Variants in G6PC1 observed in about 807,000 individuals in gnomAD.
G6PC1 encodes G-6-Pase.
Under a neutral mutation model 30.4 loss-of-function variants are expected in G6PC1, and 23 were observed. That is an observed-to-expected ratio of 0.76 (90% CI 0.55 to 1.07). G6PC1 has a LOEUF of 1.07. G6PC1 is among the 50% of genes least tolerant of loss of function. The pLI, the probability that G6PC1 is intolerant of heterozygous loss-of-function variation, is 0.00. For missense variants in G6PC1, 391 were observed against 433.9 expected, an observed-to-expected ratio of 0.90 and a Z score of 0.88; for synonymous variants, 163 against 175.6, an observed-to-expected ratio of 0.93 and a Z score of 0.57.
Position 42,913,100 on chromosome 17 carries a change from G to T in G6PC1, c.*1674G>T, listed in dbSNP as rs944611985. 2 of 151,862 alleles carry T rather than the reference G, an allele frequency of 1.3e-5. No individual in the cohort carries two copies. Among genetic ancestry groups the T allele is most frequent in the Admixed American group, 1.3e-4 (2 of 15,228 alleles). 9.4% of individuals were successfully genotyped at this position (151,862 alleles called of 1,614,324 possible). A position where few individuals can be genotyped will look rare whatever the true frequency, so the allele number is the denominator to read the frequency against. ...TTACAGGCATGAGCCACCGCACCGG[G>T]CCCTCCTTGCCTGTTTTTCAATCTC... On this transcript the variant is annotated 3_prime_UTR_variant, in exon 5 of 5. Transcript: ENST00000253801.
In G6PC1 at chr17:42,912,940, G is replaced by A. The variant is rs111309126; in HGVS notation, c.*1514G>A. 1.0e-3 allele frequency: 155 copies of A among 148,718 alleles called. 1 individual carries two copies. Among genetic ancestry groups the A allele is most frequent in the African/African-American group, 3.5e-3 (140 of 40,282 alleles). 9.2% of individuals were successfully genotyped at this position (148,718 alleles called of 1,614,324 possible). A position where few individuals can be genotyped will look rare whatever the true frequency, so the allele number is the denominator to read the frequency against. ...CTCCTCAGTAGCTAGGACTACCGGC[G>A]TGCACCACCATGCCAGGCTAATTTT... On this transcript the variant is annotated 3_prime_UTR_variant, in exon 5 of 5. Transcript: ENST00000253801.
intron 2 of G6PC1, among the ~76,000 whole-genome samples, chr17:42,905,316 T>C (rs1316577018): frequency 4.8e-5 from 7 of 144,590 alleles, no homozygotes; most frequent in African/African-American, 1.3e-4. Context: ...TCTGAGCTAC[T>C]CAGGAGGCTA....
At chr17:42,903,600 G>A (rs772193960) in intron 1 of G6PC1, among the ~76,000 whole-genome samples, 1 of 151,940 alleles carries the variant, frequency 6.6e-6, no homozygotes, top group Non-Finnish European at 1.5e-5. Flanking sequence ...TGTAGTCCCA[G>A]CTATTCAGGA....
intron 2 of G6PC1, among the ~76,000 whole-genome samples, chr17:42,906,307 A>T (rs1197754255): frequency 6.6e-6 from 1 of 152,114 alleles, no homozygotes; most frequent in African/African-American, 2.4e-5. Context: ...TCCGGTTGTG[A>T]TTCTGCCTCA....
At position 42,913,685 on chromosome 17, in the gene G6PC1, C is replaced by A. The variant is rs901686213; in HGVS notation, c.*2259C>A. On this transcript the variant is annotated 3_prime_UTR_variant, in exon 5 of 5. Coordinates refer to ENST00000253801, the MANE Select transcript of G6PC1 (RefSeq NM_000151.4). ...AAATTGCAACTTGAGAGTAGATGGG[C>A]AGGGTCACTATCAAATTAAGCAATC... 1.3e-5 allele frequency among the ~76,000 whole-genome samples: 2 copies of A among 152,138 alleles called. No homozygotes were observed. Among genetic ancestry groups the A allele is most frequent in the Non-Finnish European group, 2.9e-5 (2 of 68,018 alleles).
Position 42,911,168 on chromosome 17 carries a change from G to T in G6PC1, c.816G>T (p.Gly272=), listed in dbSNP as rs762728678. The T allele has an allele frequency of 1.2e-6, 2 of 1,614,160 alleles. No homozygotes were observed. The highest frequency in any genetic ancestry group is 1.7e-6 in the Non-Finnish European group (2 of 1,180,040). The change falls in exon 5 of 5, where the codon GGG becomes GGT. Residue 272 remains glycine (G), a synonymous_variant. Coordinates refer to ENST00000253801, the MANE Select transcript of G6PC1 (RefSeq NM_000151.4). ...ACCTGGGCACGCTCTTTGGCCTGGG[G>T]CTGGCTCTCAACTCCAGCATGTACA... ...LKNLGTLFGL[G]LALNSSMYRE...
intron 2 of G6PC1, among the ~76,000 whole-genome samples, chr17:42,904,543 T>C (rs1002572357): frequency 6.6e-6 from 1 of 152,212 alleles, no homozygotes; most frequent in Non-Finnish European, 1.5e-5. Flanking sequence ...CTAAGACTAG[T>C]ACTCTCTAAG....
Position 42,911,336 on chromosome 17 carries a change from C to G in G6PC1, c.984C>G (p.Cys328Trp). Residue 328 changes from cysteine (C) to tryptophan (W), a missense_variant, in exon 5 of 5, where the codon TGC (cysteine) becomes TGG (tryptophan). Coordinates refer to ENST00000253801, the MANE Select transcript of G6PC1 (RefSeq NM_000151.4). Reference sequence around the variant, plus strand: ...TGGTCTTCTACGTCTTGTCCTTCTGCAAGAGTGCGGTAGTGCCCCTGGCAT... The same window carrying G: ...TGGTCTTCTACGTCTTGTCCTTCTGGAAGAGTGCGGTAGTGCCCCTGGCAT... The part of the protein sequence containing the change: ...VELVFYVLSF[C>W]KSAVVPLASV... 1 of 1,614,200 alleles carries G rather than the reference C, an allele frequency of 6.2e-7. No homozygotes were observed. The highest frequency in any genetic ancestry group is 8.5e-7 in the Non-Finnish European group (1 of 1,180,040).
At chr17:42,903,771 C>T (rs936100221) in intron 1 of G6PC1, among the ~76,000 whole-genome samples, 160 bp from the exon 2 acceptor site, 2 of 152,100 alleles carry the variant, frequency 1.3e-5, no homozygotes, top group African/African-American at 4.8e-5. Context: ...AAGGAAGTGT[C>T]ATGAAATATC....
chr17:42,909,241 G>T, intron 3 of G6PC1, 62 bp from the exon 4 acceptor site: 3 of 1,191,014 alleles, frequency 2.5e-6, no homozygotes, highest in East Asian at 4.7e-5. Flanking sequence ...TTCTGCAGGG[G>T]CTGTTTTCTT....
intron 2 of G6PC1, among the ~76,000 whole-genome samples, chr17:42,905,441 TATAC>T (rs1464102097): frequency 7.7e-5 from 8 of 103,286 alleles, no homozygotes; most frequent in East Asian, 7.5e-4. Context: ...TATATATATA[TATAC>T]ACACACACAC....
rs532204001 is a variant in G6PC1, at chr17:42,901,624, G to T, written c.230+518G>T. On this transcript the variant is annotated intron_variant, in intron 1 of 4. Transcript: ENST00000253801. ...TAGTCCCAGCTACTCAGGAGGCTGA[G>T]GTGAGAGGCGGAGGAGGTTGCAGTG... Among the ~76,000 whole-genome samples the T allele has an allele frequency of 3.3e-5, 5 of 152,068 alleles. No individual in the cohort carries two copies. The South Asian group carries it at 1.0e-3, about 32-fold the overall frequency.
chr17:42,900,953 C>A lies in G6PC1; in HGVS notation c.77C>A (p.Ser26Tyr). 6.2e-7 allele frequency: 1 copy of A among 1,613,588 alleles called. No homozygotes were observed. The highest frequency in any genetic ancestry group is 8.5e-7 in the Non-Finnish European group (1 of 1,179,458). The change falls in exon 1 of 5, where the codon TCC becomes TAC. Residue 26 changes from serine (S) to tyrosine (Y), a missense_variant. Coordinates refer to ENST00000253801, the MANE Select transcript of G6PC1 (RefSeq NM_000151.4). ...THYLQVNYQD[S>Y]QDWFILVSVI... The stretch of plus-strand genomic sequence containing the variant: ...TACCTCCAGGTGAATTACCAAGACT[C>A]CCAGGACTGGTTCATCTTGGTGTCC...
In G6PC1 at chr17:42,910,878, C is replaced by A. The variant is rs377622036; in HGVS notation, c.563-37C>A. ...CCACCTCTAGCAAAGGTCCCAAATCCTTCCTATCTCTCACAGTCATGCTTT... is the reference window on the plus strand; with the variant it reads ...CCACCTCTAGCAAAGGTCCCAAATCATTCCTATCTCTCACAGTCATGCTTT... On this transcript the variant is annotated intron_variant, in intron 4 of 4. Coordinates refer to ENST00000253801, the MANE Select transcript of G6PC1 (RefSeq NM_000151.4). The A allele has an allele frequency of 1.8e-4, 286 of 1,610,046 alleles. 4 individuals are homozygous for A. In the South Asian group the frequency reaches 2.9e-3, roughly 16 times the overall value.
intron 2 of G6PC1, among the ~76,000 whole-genome samples, chr17:42,905,437 T>TACAC (rs1456818622): frequency 2.7e-5 from 3 of 110,334 alleles, no homozygotes; most frequent in African/African-American, 1.1e-4. Context: ...AAAATATATA[T>TACAC]ATATATACAC....
intron 1 of G6PC1, among the ~76,000 whole-genome samples, chr17:42,901,857 G>A (rs986304325): frequency 6.6e-6 from 1 of 152,146 alleles, no homozygotes; most frequent in Admixed American, 6.5e-5. Context: ...TCCTTGGCAA[G>A]TCATATCAAT....
At chr17:42,902,842 TAC>T (rs1265313881) in intron 1 of G6PC1, among the ~76,000 whole-genome samples, 1 of 152,120 alleles carries the variant, frequency 6.6e-6, no homozygotes, top group East Asian at 1.9e-4. Flanking sequence ...TATACATCCT[TAC>T]AGAGAGCAAT....
At position 42,910,989 on chromosome 17, in the gene G6PC1, A is replaced by G. The variant is rs1259154581; in HGVS notation, c.637A>G (p.Thr213Ala). The G allele has an allele frequency of 6.2e-7, 1 of 1,613,922 alleles. No homozygotes were observed. The highest frequency in any genetic ancestry group is 8.5e-7 in the Non-Finnish European group (1 of 1,180,018). ...NASLKKYFLI[T>A]FFLFSFAIGF... The stretch of plus-strand genomic sequence containing the variant: ...CAGCCTCAAGAAATATTTTCTCATT[A>G]CCTTCTTCCTGTTCAGCTTCGCCAT... The change falls in exon 5 of 5, where the codon ACC becomes GCC. Residue 213 changes from threonine (T) to alanine (A), a missense_variant. Thr to Ala is a moderately conservative substitution (Grantham distance 58). Transcript: ENST00000253801.
rs1195223703 is a variant in G6PC1, at chr17:42,909,311, A to G, written c.455A>G (p.Asn152Ser). The change falls in exon 4 of 5, where the codon AAT (asparagine) becomes AGT (serine). Residue 152 changes from asparagine (N) to serine (S), a missense_variant. By Grantham distance (46) the Asn-to-Ser change is conservative. Transcript: ENST00000253801. The stretch of plus-strand genomic sequence containing the variant: ...TGCCTCTTCTGTTGCAGGTGCTTGA[A>G]TGTCATTTTGTGGTTGGGATTCTGG... ...IKPTYRFRCL[N>S]VILWLGFWAV... 6.2e-7 allele frequency: 1 copy of G among 1,613,280 alleles called. No individual in the cohort carries two copies. The highest frequency in any genetic ancestry group is 1.3e-5 in the African/African-American group (1 of 74,868).
Sources: allele counts gnomAD v4.1 joint callset (sites outside exome capture counted in the v4.1 genomes callset), GRCh38; gene constraint gnomAD v4.1.1; transcripts MANE v1.5; gene names NCBI Gene and HGNC (gene_info 2026-07-23, HGNC 2026-07-21).